SLC14A2: variants seen among roughly 807,000 people sequenced by gnomAD.
The protein encoded by SLC14A2 is urea transporter 2.
In SLC14A2, 91 loss-of-function variants were observed where a neutral mutation model predicts 104.6. That is an observed-to-expected ratio of 0.87 (90% CI 0.73 to 1.04). The LOEUF is 1.04. SLC14A2 is among the 50% of genes least tolerant of loss of function. SLC14A2 has a pLI of 0.00. For synonymous variants in SLC14A2, 476 were observed against 466.4 expected, an observed-to-expected ratio of 1.02 and a Z score of -0.27; for missense variants, 1,189 against 1,156.0, an observed-to-expected ratio of 1.03 and a Z score of -0.41.
intron 2 of SLC14A2, chr18:45,528,471 C>A (rs2144825417): frequency 6.6e-6 from 1 of 152,160 alleles, no homozygotes; most frequent in East Asian, 1.9e-4. Context: ...GGGCACTCAC[C>A]CCACAGGGTC....
chr18:45,459,475 G>A (rs1488919766), intron 1 of SLC14A2, among the ~76,000 whole-genome samples: 3 of 152,188 alleles, frequency 2.0e-5, no homozygotes, highest in African/African-American at 7.2e-5. Context: ...TCATACAAAC[G>A]TCCAGTGTGT....
chr18:45,644,261 T>C (rs888623128), intron 10 of SLC14A2, 101 bp downstream of exon 10: 20 of 1,139,308 alleles, frequency 1.8e-5, no homozygotes, highest in Non-Finnish European at 2.4e-5. Context: ...CTCACCTTCT[T>C]TGCCTCTCCT....
rs190813368 is a variant in SLC14A2, at chr18:45,343,301, T to C, written c.-125+130110T>C. On this transcript the variant is annotated intron_variant, in intron 1 of 20. Transcript: ENST00000586448. The stretch of plus-strand genomic sequence containing the variant: ...GTCCCACAGAGGAGATGTGTTATTT[T>C]ATTTGGGCTGCCTTGTGCCTGCCAG... Among the ~76,000 whole-genome samples, 4 of 152,240 alleles carry C rather than the reference T, an allele frequency of 2.6e-5. No homozygotes were observed. In the East Asian group the frequency reaches 7.7e-4, roughly 29 times the overall value.
intron 1 of SLC14A2, among the ~76,000 whole-genome samples, chr18:45,268,351 G>A (rs111583015): frequency 2.5e-4 from 38 of 152,198 alleles, no homozygotes; most frequent in African/African-American, 7.0e-4. Context: ...TTAAATGTTC[G>A]TATAAAAGTT....
chr18:45,638,883 C>T (rs2045469166), intron 6 of SLC14A2, among the ~76,000 whole-genome samples: 2 of 152,206 alleles, frequency 1.3e-5, no homozygotes, highest in South Asian at 4.1e-4. Context: ...GAGCCCTCTA[C>T]TCCCAGGCCA....
intron 14 of SLC14A2, 143 bp from the exon 15 acceptor site, chr18:45,668,206 G>T: frequency 8.3e-7 from 1 of 1,211,570 alleles, no homozygotes; most frequent in Non-Finnish European, 1.2e-6. Context: ...TCATAGGGTT[G>T]TCTTCCTTCC....
intron 1 of SLC14A2, among the ~76,000 whole-genome samples, chr18:45,390,372 G>A (rs1025524406): frequency 6.6e-6 from 1 of 152,098 alleles, no homozygotes; most frequent in Admixed American, 6.5e-5. Context: ...GGACACTCAG[G>A]GTAAACTGAG....
upstream of SLC14A2, among the ~76,000 whole-genome samples, chr18:45,211,975 C>T (rs912214998): frequency 6.6e-6 from 1 of 152,128 alleles, no homozygotes; most frequent in Non-Finnish European, 1.5e-5. Flanking sequence ...TTTAGGTATA[C>T]ATGTGGATTT....
intron 2 of SLC14A2, among the ~76,000 whole-genome samples, chr18:45,550,854 G>C (rs1003340979): frequency 1.3e-5 from 2 of 152,296 alleles, no homozygotes. Context: ...AGTTGTCACA[G>C]AGCTGAGAGA....
chr18:45,642,315 A>G (rs978233253), intron 8 of SLC14A2, among the ~76,000 whole-genome samples: 1 of 152,174 alleles, frequency 6.6e-6, no homozygotes, highest in Non-Finnish European at 1.5e-5. Flanking sequence ...GAGACAGTGG[A>G]CCTAGTAAAT....
At chr18:45,209,767 A>G (rs963032308), upstream of SLC14A2, among the ~76,000 whole-genome samples, 8 of 152,322 alleles carry the variant, frequency 5.3e-5, no homozygotes, top group African/African-American at 1.2e-4. Context: ...CGAGACAGCT[A>G]TTTATTCAAC....
chr18:45,236,722 C>T (rs887707095), intron 1 of SLC14A2, among the ~76,000 whole-genome samples: 1 of 151,868 alleles, frequency 6.6e-6, no homozygotes, highest in African/African-American at 2.4e-5. Context: ...CTACAATAAA[C>T]ATAAGAGTAC....
intron 1 of SLC14A2, among the ~76,000 whole-genome samples, chr18:45,359,040 A>G (rs2085584000): frequency 6.6e-6 from 1 of 152,222 alleles, no homozygotes; most frequent in South Asian, 2.1e-4. Flanking sequence ...AAGGATTCCT[A>G]CACCTGCCAC....
At chr18:45,353,089 G>T (rs1035439276) in intron 1 of SLC14A2, among the ~76,000 whole-genome samples, 1 of 152,220 alleles carries the variant, frequency 6.6e-6, no homozygotes. Context: ...GCTGGGATTG[G>T]CCAAGACTCA....
chr18:45,571,992 A>G (rs1233595671), intron 2 of SLC14A2, among the ~76,000 whole-genome samples: 3 of 152,182 alleles, frequency 2.0e-5, no homozygotes, highest in Non-Finnish European at 2.9e-5. Flanking sequence ...CATAGACCCC[A>G]TCCTGGACCA....
intron 2 of SLC14A2, among the ~76,000 whole-genome samples, chr18:45,539,630 A>C (rs1377262601): frequency 6.6e-6 from 1 of 152,184 alleles, no homozygotes; most frequent in Non-Finnish European, 1.5e-5. Flanking sequence ...AGAGCCTTTG[A>C]AATACGGCTG....
intron 2 of SLC14A2, among the ~76,000 whole-genome samples, chr18:45,526,367 G>A (rs2043594279): frequency 6.6e-6 from 1 of 152,210 alleles, no homozygotes; most frequent in South Asian, 2.1e-4. Flanking sequence ...TAATTCTGGT[G>A]CCTGAGAGGC....
At chr18:45,175,026 A>G in the SLC14A2 span, among the ~76,000 whole-genome samples, 1 of 152,148 alleles carries the variant, frequency 6.6e-6, no homozygotes, top group African/African-American at 2.4e-5. Flanking sequence ...GCTGGTGGGA[A>G]TTTAAATGAG....
At chr18:45,551,414 T>A (rs1311970934) in intron 2 of SLC14A2, among the ~76,000 whole-genome samples, 1 of 152,218 alleles carries the variant, frequency 6.6e-6, no homozygotes, top group Admixed American at 6.5e-5. Context: ...TGCAGCAGAC[T>A]GGGGGCCAAG....
Sources: gnomAD v4.1 joint callset for allele counts (sites outside exome capture counted in the v4.1 genomes callset) on GRCh38, gnomAD v4.1.1 for gene constraint, MANE v1.5 for transcripts, NCBI Gene and HGNC (gene_info 2026-07-23, HGNC 2026-07-21) for gene names.